The following HIVEP3 variants were observed in gnomAD, a reference collection of about 807,000 sequenced individuals.
HIVEP3 encodes the protein transcription factor HIVEP3.
A neutral mutation model predicts 152.8 loss-of-function variants in HIVEP3; 49 were observed. That is an observed-to-expected ratio of 0.32 (90% CI 0.26 to 0.41). The LOEUF is 0.41. HIVEP3 is among the 10% of genes least tolerant of loss of function. The probability of loss-of-function intolerance (pLI) is 1.00; values close to 1 mark genes in which losing one functional copy is unlikely to be tolerated. For synonymous variants in HIVEP3, 1,269 were observed against 1,289.0 expected (o/e 0.98, Z 0.33); for missense variants, 2,790 against 3,103.3 (o/e 0.90, Z 2.40).
At chr1:41,669,011 T>G (rs1645836060) in intron 2 of HIVEP3, among the ~76,000 whole-genome samples, 1 of 152,034 alleles carries the variant, frequency 6.6e-6, no homozygotes, top group Non-Finnish European at 1.5e-5. Context: ...AGAGGAAGCT[T>G]CCATGATCCC....
chr1:41,536,019 C>A (rs1034431210), intron 5 of HIVEP3, among the ~76,000 whole-genome samples: 3 of 152,102 alleles, frequency 2.0e-5, no homozygotes, highest in African/African-American at 7.2e-5. Flanking sequence ...CTGCTAAGCA[C>A]AAAGGAACTC....
intron 2 of HIVEP3, among the ~76,000 whole-genome samples, chr1:41,676,332 G>C (rs1163226986): frequency 6.6e-6 from 1 of 152,188 alleles, no homozygotes; most frequent in Admixed American, 6.5e-5. Flanking sequence ...TTACAGGCGT[G>C]AGCCACCGTG....
intron 1 of HIVEP3, among the ~76,000 whole-genome samples, chr1:41,831,564 C>A (rs1404274583): frequency 6.6e-6 from 1 of 152,174 alleles, no homozygotes; most frequent in Non-Finnish European, 1.5e-5. Flanking sequence ...TATACCAATG[C>A]TAGAAAAACT....
chr1:41,771,857 G>A (rs971352162), intron 1 of HIVEP3, among the ~76,000 whole-genome samples: 4 of 152,032 alleles, frequency 2.6e-5, no homozygotes, highest in Non-Finnish European at 5.9e-5. Context: ...AGTAGAGATG[G>A]GGTTTCACCG....
intron 5 of HIVEP3, among the ~76,000 whole-genome samples, chr1:41,529,624 AC>A (rs1445978204): frequency 3.1e-5 from 2 of 64,412 alleles, no homozygotes; most frequent in African/African-American, 6.5e-5. Flanking sequence ...CTCACCCCAC[AC>A]CCCCCACACC....
chr1:41,594,368 G>A (rs1345994099), intron 3 of HIVEP3, among the ~76,000 whole-genome samples: 2 of 151,970 alleles, frequency 1.3e-5, no homozygotes, highest in Non-Finnish European at 2.9e-5. Flanking sequence ...GATTACAGGC[G>A]TGCACCACCA....
intron 1 of HIVEP3, among the ~76,000 whole-genome samples, chr1:41,785,374 G>A (rs894120823): frequency 6.6e-6 from 1 of 152,186 alleles, no homozygotes; most frequent in Admixed American, 6.5e-5. Context: ...TACATACTTC[G>A]AGCAAATAAA....
chr1:41,798,312 A>C (rs1650101327), intron 1 of HIVEP3, among the ~76,000 whole-genome samples: 1 of 151,274 alleles, frequency 6.6e-6, no homozygotes, highest in South Asian at 2.1e-4. Flanking sequence ...AGAGAGAAAC[A>C]CTCTTTTCCA....
At position 41,953,691 on chromosome 1, in the gene HIVEP3, A is replaced by C. The variant is rs567606597; in HGVS notation, n.120-35167T>G. Among the ~76,000 whole-genome samples, 18 of 152,322 alleles carry C rather than the reference A, an allele frequency of 1.2e-4. No homozygotes were observed. In the South Asian group the frequency reaches 3.5e-3, roughly 30 times the overall value. On this transcript the variant is annotated intron_variant and non_coding_transcript_variant, in intron 1 of 3. Transcript: ENST00000489103. ...GAATGATCTGCCAAATCTTCCCGAC[A>C]TACTCTCTTGCTCTACATACTTTTA... is the stretch of plus-strand genomic sequence containing the variant.
chr1:41,800,842 G>T (rs930267446), intron 1 of HIVEP3, among the ~76,000 whole-genome samples: 1 of 152,182 alleles, frequency 6.6e-6, no homozygotes, highest in Admixed American at 6.5e-5. Context: ...GCTAGGATAT[G>T]CCCTTCCTGC....
chr1:41,688,146 G>A (rs961519889), intron 2 of HIVEP3, among the ~76,000 whole-genome samples: 1 of 152,334 alleles, frequency 6.6e-6, no homozygotes, highest in East Asian at 1.9e-4. Flanking sequence ...GTCAGGGTGT[G>A]CTTGACAGGT....
chr1:41,952,912 C>T (rs1449776899), intron 1 of HIVEP3, among the ~76,000 whole-genome samples: 3 of 152,138 alleles, frequency 2.0e-5, no homozygotes, highest in Non-Finnish European at 2.9e-5. Context: ...TCAAGTCATT[C>T]CACTGCCTAT....
intron 1 of HIVEP3, among the ~76,000 whole-genome samples, chr1:41,779,474 G>A (rs1369256025): frequency 6.6e-6 from 1 of 152,220 alleles, no homozygotes; most frequent in Non-Finnish European, 1.5e-5. Context: ...AAATATTAAG[G>A]TGACAGAAGC....
At chr1:41,747,792 C>T (rs1341713283) in intron 1 of HIVEP3, among the ~76,000 whole-genome samples, 1 of 152,146 alleles carries the variant, frequency 6.6e-6, no homozygotes, top group Non-Finnish European at 1.5e-5. Context: ...TAGACTATTG[C>T]TGGTTTTACA....
At chr1:41,682,126 G>A (rs922910639) in intron 2 of HIVEP3, among the ~76,000 whole-genome samples, 2 of 151,730 alleles carry the variant, frequency 1.3e-5, no homozygotes, top group African/African-American at 4.8e-5. Flanking sequence ...TCTCTCATAC[G>A]CACACAGGGA....
intron 1 of HIVEP3, among the ~76,000 whole-genome samples, chr1:41,967,606 A>G (rs1417308503): frequency 6.6e-6 from 1 of 152,230 alleles, no homozygotes; most frequent in Non-Finnish European, 1.5e-5. Context: ...AAAGATCTCA[A>G]ATCAACATCC....
intron 5 of HIVEP3, among the ~76,000 whole-genome samples, chr1:41,525,415 G>A (rs770694806): frequency 2.9e-4 from 44 of 152,296 alleles, no homozygotes; most frequent in Non-Finnish European, 5.9e-4. Context: ...CCGAGATTTA[G>A]AGACAGTGAG....
chr1:41,521,552 G>C (rs1642760555), intron 6 of HIVEP3, among the ~76,000 whole-genome samples: 2 of 152,308 alleles, frequency 1.3e-5, no homozygotes, highest in South Asian at 4.1e-4. Flanking sequence ...GGGAAGGTGG[G>C]GCACACGGCT....
chr1:41,745,321 G>A (rs946075388), intron 1 of HIVEP3, among the ~76,000 whole-genome samples: 1 of 152,170 alleles, frequency 6.6e-6, no homozygotes, highest in African/African-American at 2.4e-5. Context: ...TGTCCCTCAG[G>A]GAACTCCAGG....
Sources: gnomAD v4.1 joint callset for allele counts (sites outside exome capture counted in the v4.1 genomes callset) on GRCh38, gnomAD v4.1.1 for gene constraint, MANE v1.5 for transcripts, NCBI Gene and HGNC (gene_info 2026-07-23, HGNC 2026-07-21) for gene names.